WDR72: variants seen among roughly 807,000 people sequenced by gnomAD.
The protein encoded by WDR72 is WD repeat-containing protein 72.
A neutral mutation model predicts 124.2 loss-of-function variants in WDR72; 120 were observed. That is an observed-to-expected ratio of 0.97 (90% CI 0.83 to 1.12). WDR72 has a LOEUF of 1.12. Ranked by LOEUF, WDR72 falls within the 50% of genes most tolerant of loss-of-function variation. WDR72 has a pLI of 0.00. For synonymous variants in WDR72, 452 were observed against 441.7 expected (o/e 1.02, Z -0.29); for missense variants, 1,387 against 1,278.8 (o/e 1.08, Z -1.29).
At chr15:53,721,045 T>A (rs971718387) in intron 3 of WDR72, among the ~76,000 whole-genome samples, 1 of 152,136 alleles carries the variant, frequency 6.6e-6, no homozygotes, top group Non-Finnish European at 1.5e-5. Flanking sequence ...TGAATAAAGT[T>A]AAGACTTGCT....
chr15:53,615,986 C>T lies in WDR72; in HGVS notation c.2220G>A (p.Glu740=). ...TTTCAGTAATAGGCTTGGCTAGTGC[C>T]TCTGCTGAAAGAGGACCACAGGCAG... The part of the protein sequence containing the change: ...SKTACGPLSA[E]ALAKPITESL... The change falls in exon 15 of 20, where the codon GAG becomes GAA. Residue 740 remains glutamate, a synonymous_variant. Coordinates refer to ENST00000360509, the MANE Select transcript of WDR72 (RefSeq NM_182758.4). 6.2e-7 allele frequency: 1 copy of T among 1,613,242 alleles called. No individual in the cohort carries two copies. The highest frequency in any genetic ancestry group is 2.2e-5 in the East Asian group (1 of 44,842).
intron 17 of WDR72, among the ~76,000 whole-genome samples, chr15:53,603,338 C>T (rs149348038): frequency 1.2e-4 from 18 of 151,968 alleles, no homozygotes; most frequent in African/African-American, 3.9e-4. Context: ...GAACATACTT[C>T]GAAATAATGA....
At chr15:53,662,687 G>A (rs1398641502) in intron 14 of WDR72, among the ~76,000 whole-genome samples, 1 of 151,984 alleles carries the variant, frequency 6.6e-6, no homozygotes, top group Non-Finnish European at 1.5e-5. Flanking sequence ...GCATTTTACT[G>A]TATTAGTAAC....
At chr15:53,679,501 C>T (rs1489524784) in intron 13 of WDR72, among the ~76,000 whole-genome samples, 2 of 151,926 alleles carry the variant, frequency 1.3e-5, no homozygotes, top group Non-Finnish European at 2.9e-5. Context: ...GACCATTGGC[C>T]ATCAGGAGAA....
At chr15:53,643,954 C>G (rs2014950428) in intron 14 of WDR72, among the ~76,000 whole-genome samples, 1 of 152,006 alleles carries the variant, frequency 6.6e-6, no homozygotes, top group African/African-American at 2.4e-5. Flanking sequence ...AACATACATA[C>G]TTTTTATACA....
At chr15:53,646,963 G>C (rs2015064193) in intron 14 of WDR72, among the ~76,000 whole-genome samples, 1 of 152,062 alleles carries the variant, frequency 6.6e-6, no homozygotes, top group South Asian at 2.1e-4. Flanking sequence ...GCCTGTACTA[G>C]AGACAATATA....
chr15:53,517,817 A>G (rs1468049042), intron 19 of WDR72, 63 bp from the exon 20 acceptor site: 2 of 1,513,622 alleles, frequency 1.3e-6, no homozygotes, highest in African/African-American at 1.4e-5. Flanking sequence ...AAAGAGAAAG[A>G]CCAAGAGGAG....
intron 14 of WDR72, among the ~76,000 whole-genome samples, chr15:53,660,675 A>T (rs2015578975): frequency 1.3e-5 from 2 of 152,194 alleles, no homozygotes; most frequent in Non-Finnish European, 2.9e-5. Context: ...ATATGCTTAG[A>T]TAAAGATGCA....
rs1439629605 is a variant in WDR72 at position 53,672,073 on chromosome 15, C to G, written c.1766-6305G>C. Among the ~76,000 whole-genome samples the G allele has an allele frequency of 7.2e-5, 11 of 152,060 alleles. No homozygotes were observed. The East Asian group carries it at 1.9e-3, about 27-fold the overall frequency. On this transcript the variant is annotated intron_variant, in intron 13 of 19. Transcript: ENST00000360509. ...CTAAGGAATAGTGCCCCTAAAGTGT[C>G]TGAAATACACACCTGAATCCTTATA...
intron 18 of WDR72, among the ~76,000 whole-genome samples, chr15:53,584,761 C>G (rs1045042391): frequency 2.0e-5 from 3 of 151,970 alleles, no homozygotes; most frequent in African/African-American, 7.2e-5. Flanking sequence ...ATTCCCATGT[C>G]CTGCCCACAC....
intron 14 of WDR72, among the ~76,000 whole-genome samples, chr15:53,638,030 T>G (rs186080977): frequency 1.6e-3 from 249 of 152,286 alleles, no homozygotes; most frequent in African/African-American, 5.8e-3. Context: ...TTTGTATTCC[T>G]TTACACAACC....
intron 18 of WDR72, among the ~76,000 whole-genome samples, chr15:53,587,536 TC>T (rs1378504316): frequency 1.3e-5 from 2 of 152,070 alleles, no homozygotes; most frequent in Admixed American, 6.6e-5. Context: ...CATTTATTTT[TC>T]CTTTAAATGT....
intron 9 of WDR72, among the ~76,000 whole-genome samples, chr15:53,710,356 C>T (rs1185144653): frequency 2.7e-5 from 4 of 146,438 alleles, no homozygotes; most frequent in South Asian, 2.2e-4. Context: ...TGTACGTATA[C>T]ACACACACAC....
intron 2 of WDR72, among the ~76,000 whole-genome samples, chr15:53,723,453 A>T (rs2017934598): frequency 6.6e-6 from 1 of 152,200 alleles, no homozygotes; most frequent in African/African-American, 2.4e-5. Flanking sequence ...TATATACCCA[A>T]AGGGAATGAA....
At chr15:53,726,988 C>T (rs1182229397) in intron 2 of WDR72, among the ~76,000 whole-genome samples, 1 of 151,996 alleles carries the variant, frequency 6.6e-6, no homozygotes, top group Non-Finnish European at 1.5e-5. Context: ...GTAAGATCTC[C>T]TCAGATGGAG....
chr15:53,711,807 C>T (rs530570649), intron 7 of WDR72, among the ~76,000 whole-genome samples: 1 of 152,194 alleles, frequency 6.6e-6, no homozygotes, highest in East Asian at 1.9e-4. Context: ...GTATTATGCA[C>T]ATAAAAAATA....
At chr15:53,701,579 A>T (rs1461097612) in intron 12 of WDR72, among the ~76,000 whole-genome samples, 1 of 149,876 alleles carries the variant, frequency 6.7e-6, no homozygotes, top group Admixed American at 6.7e-5. Context: ...ACACACACAC[A>T]CACACACACA....
intron 13 of WDR72, among the ~76,000 whole-genome samples, chr15:53,686,560 G>A (rs2016633430): frequency 6.6e-6 from 1 of 151,714 alleles, no homozygotes; most frequent in African/African-American, 2.4e-5. Flanking sequence ...GATTCATAAA[G>A]CAAGTCCTGA....
chr15:53,524,051 G>C (rs145232798), intron 18 of WDR72, among the ~76,000 whole-genome samples: 70 of 152,096 alleles, frequency 4.6e-4, no homozygotes, highest in Non-Finnish European at 6.3e-4. Flanking sequence ...TCCACAAGTT[G>C]TAATACTTGC....
Sources: allele counts gnomAD v4.1 joint callset (sites outside exome capture counted in the v4.1 genomes callset), GRCh38; gene constraint gnomAD v4.1.1; transcripts MANE v1.5; gene names NCBI Gene and HGNC (gene_info 2026-07-23, HGNC 2026-07-21).